DNAJC13: variants seen among roughly 807,000 people sequenced by gnomAD.
DNAJC13 encodes DnaJ heat shock protein family (Hsp40) member C13.
DNAJC13 carries 75 observed loss-of-function variants against 290.5 expected under a neutral mutation model. The ratio of observed to expected loss-of-function variants is 0.26; its 90% CI spans 0.21 to 0.31. The LOEUF is 0.31. Among genes scored for constraint, DNAJC13 ranks in the 10% least tolerant of loss-of-function variants. DNAJC13 has a pLI of 1.00. For missense variants in DNAJC13, 2,260 were observed against 2,674.5 expected, an observed-to-expected ratio of 0.85 and a Z score of 3.42; for synonymous variants, 862 against 892.0, an observed-to-expected ratio of 0.97 and a Z score of 0.60.
Position 132,525,663 on chromosome 3 carries a change from A to G in DNAJC13, c.6114A>G (p.Gln2038=), listed in dbSNP as rs1045075537. The change falls in exon 52 of 56, where the codon CAA becomes CAG. Residue 2038 remains glutamine, a synonymous_variant. Transcript: ENST00000260818. ...CAACAGTGTGTCTCTTCAGCGCACA[A>G]CCTCAGCTGGCAGATCAGGTCCCGC... is the stretch of plus-strand genomic sequence containing the variant. ...TMATVCLFSA[Q]PQLADQVPPL... is the part of the protein sequence containing the mutation. The G allele has an allele frequency of 7.4e-6, 12 of 1,613,986 alleles. No individual in the cohort carries two copies. The African/African-American group carries it at 1.5e-4, about 20-fold the overall frequency.
chr3:132,531,499 A>G (rs1018112688), intron 55 of DNAJC13, among the ~76,000 whole-genome samples: 5 of 152,196 alleles, frequency 3.3e-5, no homozygotes, highest in African/African-American at 1.2e-4. Flanking sequence ...GTATAATTGT[A>G]TGTAAAAGAT....
At chr3:132,526,858 CAAAG>C (rs768638639) in intron 53 of DNAJC13, among the ~76,000 whole-genome samples, 43 of 152,222 alleles carry the variant, frequency 2.8e-4, no homozygotes, top group Admixed American at 5.9e-4. Flanking sequence ...AAATGTAACT[CAAAG>C]AACAAATACC....
intron 2 of DNAJC13, among the ~76,000 whole-genome samples, chr3:132,442,310 A>G (rs1247121857): frequency 1.3e-5 from 2 of 152,150 alleles, no homozygotes; most frequent in Non-Finnish European, 2.9e-5. Flanking sequence ...AAAATTGTTT[A>G]AAAGAGGAAA....
At chr3:132,518,184 G>A (rs934513894) in intron 48 of DNAJC13, among the ~76,000 whole-genome samples, 15 of 152,210 alleles carry the variant, frequency 9.9e-5, no homozygotes, top group East Asian at 1.9e-4. Flanking sequence ...TGTTTTAGAC[G>A]CTTAAGTATG....
chr3:132,462,632 G>A, intron 16 of DNAJC13, 109 bp downstream of exon 16: 1 of 716,872 alleles, frequency 1.4e-6, no homozygotes. Flanking sequence ...ACATTTCTCT[G>A]GGTAAGAAAA....
chr3:132,420,072 G>A (rs2107635791), intron 1 of DNAJC13, among the ~76,000 whole-genome samples: 1 of 152,324 alleles, frequency 6.6e-6, no homozygotes, highest in Non-Finnish European at 1.5e-5. Flanking sequence ...CTGAAAATTT[G>A]AGAGACAGTG....
At chr3:132,505,264 T>C (rs759129661) in intron 41 of DNAJC13, 38 bp from the exon 42 acceptor site, 2 of 1,331,632 alleles carry the variant, frequency 1.5e-6, no homozygotes, top group East Asian at 2.3e-5. Flanking sequence ...AATAAGTTTT[T>C]TCACTAAATG....
chr3:132,484,997 T>C (rs1934806695), intron 29 of DNAJC13, among the ~76,000 whole-genome samples: 1 of 152,082 alleles, frequency 6.6e-6, no homozygotes, highest in South Asian at 2.1e-4. Context: ...GGTGGGAGGA[T>C]TGTTTGATCC....
chr3:132,472,687 G>A (rs920395906), intron 20 of DNAJC13: 1 of 746,566 alleles, frequency 1.3e-6, no homozygotes, highest in African/African-American at 1.9e-5. Flanking sequence ...GTGTTTGAAT[G>A]TAGACACATT....
rs779361247 is a variant in DNAJC13 at position 132,505,433 on chromosome 3, A to T, written c.4998+18A>T. The T allele has an allele frequency of 1.3e-6, 2 of 1,496,050 alleles. No homozygotes were observed. Among genetic ancestry groups the T allele is most frequent in the Admixed American group, 3.6e-5 (2 of 55,454 alleles). The allele number at this position is 1,496,050 out of a possible 1,614,324, so 92.7% of individuals were successfully genotyped here. A position where few individuals can be genotyped will look rare whatever the true frequency, so the allele number is the denominator to read the frequency against. On this transcript the variant is annotated intron_variant, in intron 42 of 55. Transcript: ENST00000260818. ...TTAAAAAAGTATGTTATTGTTTTAT[A>T]AATTTCTTGGGTAATTTATTCTGAT...
In DNAJC13 at chr3:132,522,832, G is replaced by A. The variant is rs139626514; in HGVS notation, c.5678G>A (p.Arg1893Gln). The A allele has an allele frequency of 2.4e-5, 39 of 1,604,022 alleles. No homozygotes were observed. The highest frequency in any genetic ancestry group is 3.1e-5 in the Non-Finnish European group (36 of 1,177,150). ...TTCTCAAACTTCCTCGTATAGGTTC[G>A]AATTACGTTAATGAAATTTCTACCA... ...TADKLIGPKV[R>Q]ITLMKFLPSV... is the part of the protein sequence containing the mutation. The change falls in exon 49 of 56, where the codon CGA becomes CAA. Residue 1893 changes from arginine to glutamine, a missense_variant. Arg to Gln is a conservative substitution (Grantham distance 43). Coordinates refer to ENST00000260818, the MANE Select transcript of DNAJC13 (RefSeq NM_015268.4).
At chr3:132,438,420 C>T (rs1019331377) in intron 2 of DNAJC13, among the ~76,000 whole-genome samples, 1 of 152,114 alleles carries the variant, frequency 6.6e-6, no homozygotes, top group Non-Finnish European at 1.5e-5. Context: ...AAATGGCCAA[C>T]ATTAAAATTT....
At chr3:132,489,221 G>C (rs1934981798) in intron 31 of DNAJC13, among the ~76,000 whole-genome samples, 200 bp downstream of exon 31, 1 of 152,132 alleles carries the variant, frequency 6.6e-6, no homozygotes, top group Non-Finnish European at 1.5e-5. Flanking sequence ...AAATGTTGCT[G>C]ACTCATTAGA....
At chr3:132,503,978 A>AT (rs1293110907) in intron 41 of DNAJC13, among the ~76,000 whole-genome samples, 1 of 135,758 alleles carries the variant, frequency 7.4e-6, no homozygotes, top group Non-Finnish European at 1.5e-5. Flanking sequence ...TCCTTTAATT[A>AT]TAAAAAAAAA....
rs188776140 is a variant in DNAJC13 at position 132,513,737 on chromosome 3, G to A, written c.5385+638G>A. Among the ~76,000 whole-genome samples, 13 of 152,256 alleles carry A rather than the reference G, an allele frequency of 8.5e-5. No individual in the cohort carries two copies. In the East Asian group the frequency reaches 2.5e-3, roughly 29 times the overall value. ...TGGTCCCATAGGATGCTGTTTAGAT[G>A]TAGCCTTTTCTTCTGAGAGAAGCAA... On this transcript the variant is annotated intron_variant, in intron 45 of 55. Coordinates refer to ENST00000260818, the MANE Select transcript of DNAJC13 (RefSeq NM_015268.4).
chr3:132,499,605 ATGT>A, intron 37 of DNAJC13, 126 bp from the exon 38 acceptor site: 1 of 866,360 alleles, frequency 1.2e-6, no homozygotes, highest in East Asian at 2.5e-5. Flanking sequence ...TTATTAACAA[ATGT>A]TGATCAAACA....
intron 29 of DNAJC13, among the ~76,000 whole-genome samples, 194 bp downstream of exon 29, chr3:132,484,866 C>T (rs1202538078): frequency 6.6e-6 from 1 of 151,746 alleles, no homozygotes; most frequent in Non-Finnish European, 1.5e-5. Context: ...TCAAGGAGTT[C>T]GAGACCACTT....
intron 2 of DNAJC13, among the ~76,000 whole-genome samples, chr3:132,437,829 A>AT (rs918314221): frequency 5.9e-5 from 9 of 151,360 alleles, no homozygotes; most frequent in African/African-American, 1.5e-4. Flanking sequence ...TCAGTTGTTA[A>AT]TTTTTTTTTA....
chr3:132,478,690 T>G (rs766861355), intron 24 of DNAJC13, among the ~76,000 whole-genome samples: 1 of 152,134 alleles, frequency 6.6e-6, no homozygotes, highest in African/African-American at 2.4e-5. Context: ...ACCCAGGAGG[T>G]TGAGGCTGCA....
Sources: gnomAD v4.1 joint callset for allele counts (sites outside exome capture counted in the v4.1 genomes callset) on GRCh38, gnomAD v4.1.1 for gene constraint, MANE v1.5 for transcripts, NCBI Gene and HGNC (gene_info 2026-07-23, HGNC 2026-07-21) for gene names.